The following SLC22A14 variants were observed in gnomAD, a reference collection of about 807,000 sequenced individuals.
The protein encoded by SLC22A14 is solute carrier family 22 member 14, also known as organic cation transporter-like 4.
In SLC22A14, 50 loss-of-function variants were observed where a neutral mutation model predicts 53.9. That is an observed-to-expected ratio of 0.93 (90% CI 0.74 to 1.17). SLC22A14 has a LOEUF of 1.17. Among genes scored for constraint, SLC22A14 ranks in the 50% most tolerant of loss-of-function variants. The probability of loss-of-function intolerance (pLI) is 0.00; values close to 1 mark genes in which losing one functional copy is unlikely to be tolerated. For missense variants in SLC22A14, 671 were observed against 734.7 expected (o/e 0.91, Z 1.00); for synonymous variants, 312 against 303.0 (o/e 1.03, Z -0.31).
upstream of SLC22A14, among the ~76,000 whole-genome samples, chr3:38,281,870 T>C (rs1378947011): frequency 6.6e-6 from 1 of 152,184 alleles, no homozygotes; most frequent in Admixed American, 6.5e-5. Flanking sequence ...TGAAGCCCTG[T>C]TCCTGCAATC....
chr3:38,288,000 G>T (rs1474052853), intron 1 of SLC22A14, among the ~76,000 whole-genome samples: 2 of 152,208 alleles, frequency 1.3e-5, no homozygotes, highest in African/African-American at 4.8e-5. Context: ...GTGGCATTAA[G>T]TAATTCACAT....
chr3:38,307,233 A>C lies in SLC22A14; in HGVS notation c.517-21A>C. ...ACCCAAAGGTGGGCACCCGTGGCCA[A>C]TCTCTGTGTCTGACCCACAGTTTGA... On this transcript the variant is annotated intron_variant, in intron 2 of 10. Transcript: ENST00000448498. The surrounding 1 kb of genome is among the most constrained non-coding windows in gnomAD (Gnocchi z 4.4). The C allele has an allele frequency of 6.3e-7, 1 of 1,588,408 alleles. No homozygotes were observed. Among genetic ancestry groups the C allele is most frequent in the Non-Finnish European group, 8.6e-7 (1 of 1,156,524 alleles).
intron 1 of SLC22A14, among the ~76,000 whole-genome samples, chr3:38,295,776 G>A (rs867517053): frequency 7.3e-6 from 1 of 137,538 alleles, no homozygotes; most frequent in African/African-American, 2.7e-5. Flanking sequence ...CTCTCTGTCT[G>A]TCTCTGTCTG....
chr3:38,294,760 C>G (rs759063206), intron 1 of SLC22A14, among the ~76,000 whole-genome samples: 1 of 151,994 alleles, frequency 6.6e-6, no homozygotes. Context: ...GAAAGGGGTC[C>G]GGGCTGCTGG....
At chr3:38,313,685 T>TGCGC in intron 7 of SLC22A14, 42 bp from the exon 8 acceptor site, 8 of 900,566 alleles carry the variant, frequency 8.9e-6, no homozygotes, top group South Asian at 4.2e-5. Flanking sequence ...TCCGTGTGTG[T>TGCGC]GCGCGCGTGT....
chr3:38,306,229 G>A lies in SLC22A14; in HGVS notation c.203G>A (p.Arg68Lys), dbSNP rs1334028832. Residue 68 changes from arginine (R) to lysine (K), a missense_variant, in exon 2 of 11, where the codon AGG becomes AAG. Coordinates refer to ENST00000448498, the MANE Select transcript of SLC22A14 (RefSeq NM_001320033.2). ...GGGGAGTTTGGCACATTCCAGCAGA[G>A]GCTAGTAGCCCTCACCTTTATCCCC... is the stretch of plus-strand genomic sequence containing the variant. ...AVGEFGTFQQ[R>K]LVALTFIPSI... 1 of 1,614,136 alleles carries A rather than the reference G, an allele frequency of 6.2e-7. No individual in the cohort carries two copies. Among genetic ancestry groups the A allele is most frequent in the Non-Finnish European group, 8.5e-7 (1 of 1,180,032 alleles).
chr3:38,312,944 A>C, intron 5 of SLC22A14, 55 bp from the exon 6 acceptor site: 2 of 1,559,630 alleles, frequency 1.3e-6, no homozygotes, highest in South Asian at 1.2e-5. Flanking sequence ...GAGGGCCAGC[A>C]GGGGGTCTCT....
In SLC22A14 at chr3:38,307,102, A is replaced by T. The variant is rs188115409; in HGVS notation, c.517-152A>T. The T allele has an allele frequency of 1.9e-3, 1,270 of 662,294 alleles. 1 individual carries two copies. The highest frequency in any genetic ancestry group is 3.7e-3 in the Admixed American group (173 of 46,358). The allele number at this position is 662,294 out of a possible 1,614,324, so 41.0% of individuals were successfully genotyped here. On this transcript the variant is annotated intron_variant, in intron 2 of 10. Coordinates refer to ENST00000448498, the MANE Select transcript of SLC22A14 (RefSeq NM_001320033.2). This position sits in a 1 kb window ranked among gnomAD's most constrained non-coding sequence, Gnocchi z 4.4. The stretch of plus-strand genomic sequence containing the variant: ...CAGGTGCCAGAGGGGTTGCAGAGGT[A>T]ACAGAGCAGAGGCAACAGCTGAGGC...
chr3:38,298,760 TG>T (rs1704097732), intron 1 of SLC22A14, among the ~76,000 whole-genome samples: 2 of 152,188 alleles, frequency 1.3e-5, no homozygotes, highest in African/African-American at 4.8e-5. Flanking sequence ...TTCAACATGT[TG>T]GCCAGGCTGG....
intron 1 of SLC22A14, among the ~76,000 whole-genome samples, chr3:38,284,277 T>A (rs1703739892): frequency 6.6e-6 from 1 of 152,224 alleles, no homozygotes; most frequent in South Asian, 2.1e-4. Flanking sequence ...CTTCTGAAAG[T>A]GGCCCTAGCC....
Position 38,318,280 on chromosome 3 carries a change from C to A in SLC22A14, c.*31C>A. On this transcript the variant is annotated 3_prime_UTR_variant, in exon 11 of 11. Coordinates refer to ENST00000448498, the MANE Select transcript of SLC22A14 (RefSeq NM_001320033.2). ...CGGCCAAGAATGTCATTCTCAATGC[C>A]CAGATCCTGAGATTGGACCCATACC... The A allele has an allele frequency of 6.3e-7, 1 of 1,599,872 alleles. No homozygotes were observed. The highest frequency in any genetic ancestry group is 8.6e-7 in the Non-Finnish European group (1 of 1,167,016).
In SLC22A14 at chr3:38,307,294, C is replaced by G. The variant is rs375816149; in HGVS notation, c.557C>G (p.Ala186Gly). ...GGCATGGAGACGAAGAAGGACACTG[C>G]ACAGATCATGTTCATGGCAGGGCTC... is the stretch of plus-strand genomic sequence containing the variant. ...VCGMETKKDT[A>G]QIMFMAGLPI... is the part of the protein sequence containing the mutation. Residue 186 changes from alanine (A) to glycine (G), a missense_variant, in exon 3 of 11, where the codon GCA (alanine) becomes GGA (glycine). By Grantham distance (60) the Ala-to-Gly change is moderately conservative. Coordinates refer to ENST00000448498, the MANE Select transcript of SLC22A14 (RefSeq NM_001320033.2). This position sits in a 1 kb window ranked among gnomAD's most constrained non-coding sequence, Gnocchi z 4.4. 1 of 1,613,978 alleles carries G rather than the reference C, an allele frequency of 6.2e-7. No individual in the cohort carries two copies. The highest frequency in any genetic ancestry group is 8.5e-7 in the Non-Finnish European group (1 of 1,179,940).
At chr3:38,314,985 CA>C (rs777071100) in intron 8 of SLC22A14, among the ~76,000 whole-genome samples, 1 of 152,234 alleles carries the variant, frequency 6.6e-6, no homozygotes, top group Non-Finnish European at 1.5e-5. Flanking sequence ...GGCTGACAGG[CA>C]GGCAGGCAGG....
intron 2 of SLC22A14, among the ~76,000 whole-genome samples, 199 bp downstream of exon 2, chr3:38,306,741 G>T (rs543185436): frequency 1.3e-5 from 2 of 152,190 alleles, no homozygotes; most frequent in Non-Finnish European, 2.9e-5. Flanking sequence ...GAGTACATTT[G>T]GGGTAGAGAT....
chr3:38,287,000 G>T (rs1703808945), intron 1 of SLC22A14, among the ~76,000 whole-genome samples: 1 of 152,128 alleles, frequency 6.6e-6, no homozygotes, highest in Non-Finnish European at 1.5e-5. Context: ...GCCTCCCAAA[G>T]TACTGGGATT....
chr3:38,306,383 C>T lies in SLC22A14; in HGVS notation c.357C>T (p.Thr119=). The part of the protein sequence containing the change: ...HLSKAEQLNL[T]IPQAPNGSFL... ...CCAAAGCTGAGCAGCTGAATCTGAC[C>T]ATACCCCAAGCACCCAATGGCAGTT... Residue 119 remains threonine, a synonymous_variant, in exon 2 of 11, where the codon ACC becomes ACT. Coordinates refer to ENST00000448498, the MANE Select transcript of SLC22A14 (RefSeq NM_001320033.2). The T allele has an allele frequency of 6.2e-7, 1 of 1,614,216 alleles. No homozygotes were observed. Among genetic ancestry groups the T allele is most frequent in the Non-Finnish European group, 8.5e-7 (1 of 1,180,040 alleles).
At chr3:38,297,081 C>T (rs1704056375) in intron 1 of SLC22A14, among the ~76,000 whole-genome samples, 1 of 152,180 alleles carries the variant, frequency 6.6e-6, no homozygotes, top group African/African-American at 2.4e-5. Context: ...GTTGCCAGCT[C>T]GAATGCCTGG....
intron 1 of SLC22A14, among the ~76,000 whole-genome samples, chr3:38,297,257 C>T (rs1480069795): frequency 2.0e-5 from 3 of 152,152 alleles, no homozygotes; most frequent in African/African-American, 4.8e-5. Flanking sequence ...AAGGTGGATG[C>T]GGTCACCTTC....
At chr3:38,290,192 A>G (rs552257543) in intron 1 of SLC22A14, among the ~76,000 whole-genome samples, 24 of 152,130 alleles carry the variant, frequency 1.6e-4, no homozygotes, top group Non-Finnish European at 2.9e-4. Context: ...CTCCCTCTCA[A>G]CAGGAAAACT....
Sources: gnomAD v4.1 joint callset for allele counts (sites outside exome capture counted in the v4.1 genomes callset) on GRCh38, gnomAD v4.1.1 for gene constraint, Gnocchi (gnomAD v3.1) non-coding constraint, MANE v1.5 for transcripts, NCBI Gene and HGNC (gene_info 2026-07-23, HGNC 2026-07-21) for gene names.